MYO6: variants seen among roughly 807,000 people sequenced by gnomAD.
MYO6 encodes myosin VI.
In MYO6, 74 loss-of-function variants were observed where a neutral mutation model predicts 178.7. The observed-to-expected ratio is 0.41, with a 90% CI of 0.34 to 0.50. The LOEUF (loss-of-function observed/expected upper bound fraction) is 0.50, where lower values mean the gene tolerates loss of function less well. MYO6 is among the 20% of genes least tolerant of loss of function. MYO6 has a pLI of 0.09. For missense variants in MYO6, 1,330 were observed against 1,547.4 expected, an observed-to-expected ratio of 0.86 and a Z score of 2.36; for synonymous variants, 477 against 504.6, an observed-to-expected ratio of 0.95 and a Z score of 0.73.
At chr6:75,883,206 C>T (rs530147158) in intron 23 of MYO6, among the ~76,000 whole-genome samples, 1 of 150,122 alleles carries the variant, frequency 6.7e-6, no homozygotes, top group South Asian at 2.1e-4. Flanking sequence ...TTAAAAAATG[C>T]TAACAATTTA....
intron 1 of MYO6, among the ~76,000 whole-genome samples, chr6:75,773,247 A>G (rs1381015962): frequency 6.6e-6 from 1 of 152,230 alleles, no homozygotes; most frequent in East Asian, 1.9e-4. Context: ...ATGAGTATCC[A>G]ATTATGATCA....
At chr6:75,837,203 C>T (rs912346506) in intron 7 of MYO6, among the ~76,000 whole-genome samples, 4 of 152,126 alleles carry the variant, frequency 2.6e-5, no homozygotes, top group African/African-American at 9.7e-5. Flanking sequence ...GGCATTATCT[C>T]ATTTGTTTAA....
At chr6:75,854,831 A>G (rs1388355389) in intron 11 of MYO6, among the ~76,000 whole-genome samples, 3 of 152,290 alleles carry the variant, frequency 2.0e-5, no homozygotes, top group East Asian at 3.9e-4. Context: ...GAGTTAATAT[A>G]TTGAAAAGGA....
intron 1 of MYO6, among the ~76,000 whole-genome samples, chr6:75,784,306 A>G (rs943567790): frequency 5.9e-5 from 9 of 151,898 alleles, no homozygotes; most frequent in Non-Finnish European, 1.3e-4. Flanking sequence ...GAGATCCTGA[A>G]TGGGGGAGAC....
intron 1 of MYO6, among the ~76,000 whole-genome samples, chr6:75,753,396 CT>C (rs918166858): frequency 5.3e-5 from 8 of 150,888 alleles, no homozygotes; most frequent in Non-Finnish European, 1.0e-4. Context: ...CTTAAGTTCT[CT>C]TTTGGAGGCA....
rs1210196172 is a variant in MYO6, at chr6:75,830,619, A to G, written c.391+74A>G. 3.6e-6 allele frequency: 5 copies of G among 1,403,812 alleles called. No individual in the cohort carries two copies. The East Asian group carries it at 1.2e-4, about 34-fold the overall frequency. 87.0% of individuals were successfully genotyped at this position (1,403,812 alleles called of 1,614,324 possible). ...CAAATTTACTCAATTTTTCTTTTGGATTAATAAAAGATACCATAAATTGAA... is the reference window on the plus strand; with the variant it reads ...CAAATTTACTCAATTTTTCTTTTGGGTTAATAAAAGATACCATAAATTGAA... On this transcript the variant is annotated intron_variant, in intron 5 of 34. Transcript: ENST00000369977.
chr6:75,795,914 T>G (rs1168573208), intron 1 of MYO6, among the ~76,000 whole-genome samples: 1 of 152,218 alleles, frequency 6.6e-6, no homozygotes, highest in East Asian at 1.9e-4. Flanking sequence ...TAAAAGATGA[T>G]TGCTCTACTG....
chr6:75,905,563 C>G (rs1285218233), intron 30 of MYO6, among the ~76,000 whole-genome samples: 1 of 152,236 alleles, frequency 6.6e-6, no homozygotes, highest in East Asian at 1.9e-4. Flanking sequence ...GGCAATGCCT[C>G]GCCCTGCTTT....
chr6:75,780,839 GCT>G (rs1292989283), intron 1 of MYO6, among the ~76,000 whole-genome samples: 2 of 149,476 alleles, frequency 1.3e-5, no homozygotes, highest in Admixed American at 1.3e-4. Context: ...ATAGAGTCTT[GCT>G]CTGTCACCCA....
At chr6:75,797,693 C>T (rs937009446) in intron 1 of MYO6, among the ~76,000 whole-genome samples, 3 of 152,090 alleles carry the variant, frequency 2.0e-5, no homozygotes, top group African/African-American at 7.2e-5. Context: ...GCCACCACGC[C>T]TGTCTAATTT....
rs1370027280 is a variant in MYO6, at chr6:75,839,134, C to CT, written c.554-1449dup. On this transcript the variant is annotated intron_variant, in intron 7 of 34. Coordinates refer to ENST00000369977, the MANE Select transcript of MYO6 (RefSeq NM_004999.4). ...CTCTAGATAGAATAGGAGAAATCTG[C>CT]TTGAAAAGGCTTCATAAGAAATATG... 7.2e-5 allele frequency among the ~76,000 whole-genome samples: 11 copies of CT among 152,048 alleles called. No individual in the cohort carries two copies. In the East Asian group the frequency reaches 1.9e-3, roughly 27 times the overall value.
chr6:75,799,023 C>T lies in MYO6; in HGVS notation c.-47-18478C>T, dbSNP rs553951594. Among the ~76,000 whole-genome samples the T allele has an allele frequency of 3.1e-4, 47 of 152,202 alleles. 1 individual carries two copies. In the South Asian group the frequency reaches 8.3e-3, roughly 27 times the overall value. ...GTTTACAACAGCCACATAGACAAAA[C>T]GAAATACTTAAAAATATAGCTAACC... On this transcript the variant is annotated intron_variant, in intron 1 of 34. Transcript: ENST00000369977.
chr6:75,765,450 T>C (rs967387530), intron 1 of MYO6, among the ~76,000 whole-genome samples: 2 of 152,132 alleles, frequency 1.3e-5, no homozygotes, highest in South Asian at 4.2e-4. Flanking sequence ...GTGTTGGGAT[T>C]ACAGGCATGA....
chr6:75,798,663 G>A (rs1190559111), intron 1 of MYO6, among the ~76,000 whole-genome samples: 1 of 152,158 alleles, frequency 6.6e-6, no homozygotes, highest in Non-Finnish European at 1.5e-5. Context: ...GCCAACATTG[G>A]ACTGAACAGG....
At chr6:75,833,312 G>T (rs147359121) in intron 6 of MYO6, among the ~76,000 whole-genome samples, 23 of 152,174 alleles carry the variant, frequency 1.5e-4, no homozygotes, top group African/African-American at 4.3e-4. Context: ...ACTTTTTTCT[G>T]GTAAAAAAAT....
Position 75,848,374 on chromosome 6 carries a change from A to G in MYO6, c.921A>G (p.Lys307=). 1 of 1,613,810 alleles carries G rather than the reference A, an allele frequency of 6.2e-7. No homozygotes were observed. The highest frequency in any genetic ancestry group is 8.5e-7 in the Non-Finnish European group (1 of 1,179,774). ...AGTACCTTAAGGCAGGTTCTATGAA[A>G]GATCCTCTGCTAGATGACCATGGTG... is the stretch of plus-strand genomic sequence containing the variant. ...SPEYLKAGSM[K]DPLLDDHGDF... The change falls in exon 11 of 35, where the codon AAA becomes AAG. Residue 307 remains lysine, a synonymous_variant. Coordinates refer to ENST00000369977, the MANE Select transcript of MYO6 (RefSeq NM_004999.4).
intron 1 of MYO6, among the ~76,000 whole-genome samples, chr6:75,787,706 CTCTCTCTCTCTCTCTCTCTCTCTCTA>C (rs1269884036): frequency 2.6e-4 from 18 of 70,150 alleles, no homozygotes; most frequent in Non-Finnish European, 3.2e-4. Context: ...CTCTCTCTCT[CTCTCTCTCTCTCTCTCTCTCTCTCTA>C]TATATATATA....
intron 25 of MYO6, among the ~76,000 whole-genome samples, chr6:75,889,374 A>T (rs1778718491): frequency 6.6e-6 from 1 of 152,226 alleles, no homozygotes; most frequent in African/African-American, 2.4e-5. Context: ...CTAAAATAGT[A>T]GTAAACTATT....
intron 18 of MYO6, chr6:75,867,482 GTTGAGT>G (rs1776794337): frequency 5.5e-6 from 1 of 181,522 alleles, no homozygotes; most frequent in African/African-American, 2.4e-5. Context: ...GAGAGGACTA[GTTGAGT>G]TGAGAGAGGA....
Sources: allele counts gnomAD v4.1 joint callset (sites outside exome capture counted in the v4.1 genomes callset), GRCh38; gene constraint gnomAD v4.1.1; transcripts MANE v1.5; gene names NCBI Gene and HGNC (gene_info 2026-07-23, HGNC 2026-07-21).